The following VAC14 variants were observed in gnomAD, a reference collection of about 807,000 sequenced individuals.
The protein encoded by VAC14 is VAC14 component of PIKFYVE complex, also known as protein VAC14 homolog.
VAC14 carries 47 observed loss-of-function variants against 85.3 expected under a neutral mutation model. That is an observed-to-expected ratio of 0.55 (90% confidence interval 0.44 to 0.70). The LOEUF is 0.70. VAC14 is among the 30% of genes least tolerant of loss of function. The probability of loss-of-function intolerance (pLI) is 0.00; values close to 1 mark genes in which losing one functional copy is unlikely to be tolerated. For synonymous variants in VAC14, 447 were observed against 430.5 expected, an observed-to-expected ratio of 1.04 and a Z score of -0.47; for missense variants, 861 against 1,004.3, an observed-to-expected ratio of 0.86 and a Z score of 1.93.
chr16:70,707,491 C>T (rs1053429697), intron 14 of VAC14, among the ~76,000 whole-genome samples: 5 of 152,092 alleles, frequency 3.3e-5, no homozygotes, highest in Admixed American at 6.5e-5. Flanking sequence ...GAGGTGCCAT[C>T]GGGCTCTGGG....
At position 70,781,924 on chromosome 16, in the gene VAC14, G is replaced by A; in HGVS notation, c.891C>T (p.Ser297=). 1 of 1,614,176 alleles carries A rather than the reference G, an allele frequency of 6.2e-7. No individual in the cohort carries two copies. Among genetic ancestry groups the A allele is most frequent in the Non-Finnish European group, 8.5e-7 (1 of 1,180,030 alleles). The change falls in exon 8 of 19, where the codon TCC becomes TCT. Residue 297 remains serine (S), a synonymous_variant. Coordinates refer to ENST00000261776, the MANE Select transcript of VAC14 (RefSeq NM_018052.5). ...QLAGRVMLPY[S]SGILTAVLPC... The stretch of plus-strand genomic sequence containing the variant: ...GCAAGACAGCAGTCAGGATCCCGGA[G>A]GAGTAAGGCAGCATGACGCGGCCCG...
chr16:70,706,389 C>G (rs775766521), intron 14 of VAC14, among the ~76,000 whole-genome samples: 1 of 152,246 alleles, frequency 6.6e-6, no homozygotes. Context: ...GCTTCAGGTG[C>G]CTGCTGAGGG....
chr16:70,708,070 G>A (rs1449024526), intron 14 of VAC14, among the ~76,000 whole-genome samples: 1 of 152,280 alleles, frequency 6.6e-6, no homozygotes, highest in Middle Eastern at 3.4e-3. Flanking sequence ...GATGACAGGC[G>A]TGAGCCACCG....
chr16:70,767,321 C>A (rs1008305958), intron 10 of VAC14, among the ~76,000 whole-genome samples: 2 of 152,124 alleles, frequency 1.3e-5, no homozygotes, highest in African/African-American at 4.8e-5. Flanking sequence ...GTTCGGGTTA[C>A]ATCTCTAATC....
At chr16:70,787,211 G>A (rs561066244) in intron 1 of VAC14, among the ~76,000 whole-genome samples, 1 of 152,346 alleles carries the variant, frequency 6.6e-6, no homozygotes, top group African/African-American at 2.4e-5. Flanking sequence ...ACGGGAGACT[G>A]ATGCCGGGGA....
intron 1 of VAC14, among the ~76,000 whole-genome samples, chr16:70,793,958 C>T (rs185652627): frequency 7.9e-5 from 12 of 152,090 alleles, no homozygotes; most frequent in East Asian, 1.9e-4. Context: ...GCAGATATGA[C>T]GTAGGAATGA....
At chr16:70,688,904 C>A (rs1342869799) in intron 18 of VAC14, 1 of 985,522 alleles carries the variant, frequency 1.0e-6, no homozygotes, top group Non-Finnish European at 1.2e-6. Flanking sequence ...CCTTTGGCCT[C>A]ACTGGTTTGG....
chr16:70,744,831 C>T (rs765628044), intron 12 of VAC14, among the ~76,000 whole-genome samples: 2 of 152,192 alleles, frequency 1.3e-5, no homozygotes, highest in African/African-American at 4.8e-5. Flanking sequence ...ATCTGAGGTT[C>T]GGAGAGTCAG....
chr16:70,801,073 G>C lies in VAC14; in HGVS notation c.-173C>G, dbSNP rs1317357920. 2 of 478,980 alleles carry C rather than the reference G, an allele frequency of 4.2e-6. No individual in the cohort carries two copies. 29.7% of individuals were successfully genotyped at this position (478,980 alleles called of 1,614,324 possible). On this transcript the variant is annotated 5_prime_UTR_variant, in exon 1 of 19. Transcript: ENST00000261776. ...GCCCTGGAACCCGGGCCCGGACCCCGCTCCAGCACACCTGACCCTGGCCGC... is the reference window on the plus strand; with the variant it reads ...GCCCTGGAACCCGGGCCCGGACCCCCCTCCAGCACACCTGACCCTGGCCGC...
chr16:70,687,920 C>T lies in VAC14; in HGVS notation c.*8G>A. On this transcript the variant is annotated 3_prime_UTR_variant, in exon 19 of 19. Transcript: ENST00000261776. ...CCACTCGGTGGGCCCTCCTCCGTGC[C>T]AGGCCTGTCAGAGGACAACCCTCCG... 1 of 1,528,506 alleles carries T rather than the reference C, an allele frequency of 6.5e-7. No individual in the cohort carries two copies. Among genetic ancestry groups the T allele is most frequent in the Non-Finnish European group, 8.8e-7 (1 of 1,131,690 alleles). 94.7% of individuals were successfully genotyped at this position (1,528,506 alleles called of 1,614,324 possible).
At chr16:70,736,610 C>T (rs2054760781) in intron 13 of VAC14, among the ~76,000 whole-genome samples, 1 of 152,158 alleles carries the variant, frequency 6.6e-6, no homozygotes, top group Non-Finnish European at 1.5e-5. Context: ...CTAGTGTGGA[C>T]CCAAAATGGA....
chr16:70,786,407 T>C, intron 1 of VAC14, 42 bp from the exon 2 acceptor site: 1 of 1,600,212 alleles, frequency 6.2e-7, no homozygotes, highest in Non-Finnish European at 8.6e-7. Context: ...TCAGGCTACC[T>C]CTGCTGTGGC....
Position 70,762,331 on chromosome 16 carries a change from C to A in VAC14, c.1371+209G>T, listed in dbSNP as rs2032459741. Among the ~76,000 whole-genome samples the A allele has an allele frequency of 6.6e-6, 1 of 152,142 alleles. No individual in the cohort carries two copies. The highest frequency in any genetic ancestry group is 1.5e-5 in the Non-Finnish European group (1 of 68,032). On this transcript the variant is annotated intron_variant, in intron 12 of 18. Transcript: ENST00000261776. The surrounding 1 kb of genome is among the most constrained non-coding windows in gnomAD (Gnocchi z 4.1). ...CCATGTTGGCCAGGCTAGTCTCGAA[C>A]TCCTGGCCTCAAGTGATCCACCCAC...
intron 1 of VAC14, among the ~76,000 whole-genome samples, chr16:70,800,534 C>G (rs1412606912): frequency 2.6e-5 from 4 of 152,216 alleles, no homozygotes; most frequent in Non-Finnish European, 4.4e-5. Context: ...GTGCAAAGCA[C>G]TACCCATACA....
intron 12 of VAC14, chr16:70,761,139 A>T (rs1054670039): frequency 1.3e-5 from 6 of 454,586 alleles, no homozygotes; most frequent in African/African-American, 1.2e-4. Flanking sequence ...CTGCCTGTCC[A>T]TTTCTCTCTT....
intron 12 of VAC14, among the ~76,000 whole-genome samples, chr16:70,757,906 G>C (rs1019204508): frequency 2.6e-5 from 4 of 152,134 alleles, no homozygotes; most frequent in African/African-American, 9.7e-5. Context: ...AAAGCTCAGA[G>C]AGGCTAGGTT....
chr16:70,760,001 C>T (rs971842247), intron 12 of VAC14, among the ~76,000 whole-genome samples: 1 of 152,210 alleles, frequency 6.6e-6, no homozygotes, highest in African/African-American at 2.4e-5. Flanking sequence ...AGAGAACCGT[C>T]GTGAGGGTTC....
Position 70,731,456 on chromosome 16 carries a change from C to A in VAC14, c.1661+39G>T, listed in dbSNP as rs564506053. 67 of 1,595,722 alleles carry A rather than the reference C, an allele frequency of 4.2e-5. No homozygotes were observed. The East Asian group carries it at 1.2e-3, about 28-fold the overall frequency. Reference sequence around the variant, plus strand: ...TGGCGTGAAAGTGAAAAGCCGGGGCCGTGGGAGGAAGAGGAGAAAGCGCGC... The same window carrying A: ...TGGCGTGAAAGTGAAAAGCCGGGGCAGTGGGAGGAAGAGGAGAAAGCGCGC... On this transcript the variant is annotated intron_variant, in intron 14 of 18. Coordinates refer to ENST00000261776, the MANE Select transcript of VAC14 (RefSeq NM_018052.5).
intron 1 of VAC14, 114 bp from the exon 2 acceptor site, chr16:70,786,479 G>C: frequency 1.4e-6 from 2 of 1,404,850 alleles, no homozygotes; most frequent in Non-Finnish European, 1.9e-6. Context: ...GGAAATGGGA[G>C]ACAGGCGTCT....
Sources: allele counts gnomAD v4.1 joint callset (sites outside exome capture counted in the v4.1 genomes callset), GRCh38; gene constraint gnomAD v4.1.1; non-coding constraint Gnocchi (gnomAD v3.1); transcripts MANE v1.5; gene names NCBI Gene and HGNC (gene_info 2026-07-23, HGNC 2026-07-21).